The following THSD7A variants were observed in gnomAD, a reference collection of about 807,000 sequenced individuals.
The protein encoded by THSD7A is thrombospondin type-1 domain-containing protein 7A.
A neutral mutation model predicts 231.3 loss-of-function variants in THSD7A; 96 were observed. The ratio of observed to expected loss-of-function variants is 0.41; its 90% CI spans 0.35 to 0.49. THSD7A has a LOEUF of 0.49. Ranked by LOEUF, THSD7A falls within the 20% of genes least tolerant of loss-of-function variation. The pLI is 0.05. For synonymous variants in THSD7A, 940 were observed against 743.3 expected, an observed-to-expected ratio of 1.26 and a Z score of -4.30; for missense variants, 2,290 against 2,070.2, an observed-to-expected ratio of 1.11 and a Z score of -2.06.
chr7:11,621,270 C>A (rs983122569), intron 2 of THSD7A, among the ~76,000 whole-genome samples: 1 of 152,160 alleles, frequency 6.6e-6, no homozygotes, highest in Admixed American at 6.5e-5. Context: ...ATCCATTATA[C>A]GTTTCACTCA....
chr7:11,498,128 A>G (rs1228770220), intron 6 of THSD7A, among the ~76,000 whole-genome samples: 1 of 152,138 alleles, frequency 6.6e-6, no homozygotes, highest in Non-Finnish European at 1.5e-5. Context: ...ACTCCTGTAC[A>G]TACCCCTAGA....
At chr7:11,603,093 C>T (rs909220420) in intron 2 of THSD7A, among the ~76,000 whole-genome samples, 3 of 150,658 alleles carry the variant, frequency 2.0e-5, no homozygotes, top group African/African-American at 7.3e-5. Flanking sequence ...AACAGGCAAC[C>T]TACAAAATGG....
chr7:11,771,163 A>T (rs533642645), intron 1 of THSD7A, among the ~76,000 whole-genome samples: 50 of 151,258 alleles, frequency 3.3e-4, no homozygotes, highest in Admixed American at 5.3e-4. Flanking sequence ...GATTTATAAT[A>T]AAGAATCCCA....
intron 4 of THSD7A, among the ~76,000 whole-genome samples, chr7:11,580,657 T>C (rs986754949): frequency 6.6e-6 from 1 of 152,136 alleles, no homozygotes; most frequent in African/African-American, 2.4e-5. Flanking sequence ...CTGCATGTTC[T>C]TACTTATAGG....
chr7:11,799,168 G>T (rs139736712), intron 1 of THSD7A, among the ~76,000 whole-genome samples: 1 of 151,976 alleles, frequency 6.6e-6, no homozygotes, highest in Non-Finnish European at 1.5e-5. Flanking sequence ...TGATCCACCC[G>T]CCTTGGCCTC....
intron 4 of THSD7A, among the ~76,000 whole-genome samples, chr7:11,556,263 T>C (rs893017361): frequency 5.3e-5 from 8 of 151,334 alleles, no homozygotes; most frequent in Non-Finnish European, 1.2e-4. Context: ...ACATTACATA[T>C]ATATGTCATA....
intron 1 of THSD7A, among the ~76,000 whole-genome samples, chr7:11,746,227 C>A (rs1010909283): frequency 1.1e-4 from 16 of 151,776 alleles, no homozygotes; most frequent in African/African-American, 3.9e-4. Context: ...AGAAAAGTTG[C>A]CAAGATTGTA....
intron 1 of THSD7A, among the ~76,000 whole-genome samples, chr7:11,762,486 G>T (rs7802535): frequency 0.033 from 5,007 of 152,194 alleles, 299 homozygotes; most frequent in African/African-American, 0.11. Flanking sequence ...GCTGATTAGT[G>T]ATATGGAGCA....
intron 1 of THSD7A, among the ~76,000 whole-genome samples, chr7:11,759,519 C>T (rs1782788636): frequency 6.6e-6 from 1 of 151,714 alleles, no homozygotes; most frequent in African/African-American, 2.4e-5. Flanking sequence ...GTGTTCTGTG[C>T]AGAGAATATA....
chr7:11,672,016 A>G (rs969385653), intron 1 of THSD7A, among the ~76,000 whole-genome samples: 14 of 152,182 alleles, frequency 9.2e-5, no homozygotes, highest in African/African-American at 2.9e-4. Context: ...AACTATTATG[A>G]GAATGGCATT....
Position 11,533,683 on chromosome 7 carries a change from T to C in THSD7A, c.1822+7736A>G, listed in dbSNP as rs193069807. 5.8e-4 allele frequency among the ~76,000 whole-genome samples: 88 copies of C among 151,900 alleles called. 1 individual carries two copies. The East Asian group carries it at 0.014, about 24-fold the overall frequency. On this transcript the variant is annotated intron_variant, in intron 6 of 27. Coordinates refer to ENST00000423059, the MANE Select transcript of THSD7A (RefSeq NM_015204.3). ...CAAGTTCTCACTCATAAGTGGGAGG[T>C]GAACAATGAGAACACAGGGACATAG...
chr7:11,412,904 G>T, intron 17 of THSD7A, 104 bp from the exon 18 acceptor site: 1 of 1,311,146 alleles, frequency 7.6e-7, no homozygotes, highest in Non-Finnish European at 1.0e-6. Flanking sequence ...TGGGCCACTG[G>T]CTAACTCAGA....
intron 4 of THSD7A, among the ~76,000 whole-genome samples, chr7:11,550,386 T>C (rs1789577131): frequency 6.6e-6 from 1 of 150,832 alleles, no homozygotes; most frequent in African/African-American, 2.5e-5. Context: ...AGTGACATGG[T>C]TTTTTTCTGT....
chr7:11,668,749 G>A (rs570572225), intron 1 of THSD7A, among the ~76,000 whole-genome samples: 2 of 152,276 alleles, frequency 1.3e-5, no homozygotes, highest in South Asian at 2.1e-4. Context: ...AACGGCGGGA[G>A]CACAGAATAA....
At chr7:11,385,941 T>C (rs892187173) in intron 23 of THSD7A, among the ~76,000 whole-genome samples, 1 of 152,024 alleles carries the variant, frequency 6.6e-6, no homozygotes, top group Non-Finnish European at 1.5e-5. Context: ...GTTGTTCAAC[T>C]CCCACTTATG....
chr7:11,496,798 A>G (rs1354668640), intron 6 of THSD7A, among the ~76,000 whole-genome samples: 1 of 152,236 alleles, frequency 6.6e-6, no homozygotes, highest in African/African-American at 2.4e-5. Context: ...TGTTCTTGAA[A>G]CAAAATAAAC....
chr7:11,546,419 C>T (rs1219256687), intron 4 of THSD7A, among the ~76,000 whole-genome samples: 3 of 152,144 alleles, frequency 2.0e-5, no homozygotes, highest in Non-Finnish European at 4.4e-5. Context: ...GAGAACAAAG[C>T]CATAGGCCTG....
At position 11,831,538 on chromosome 7, in the gene THSD7A, A is replaced by G. The variant is rs920482330; in HGVS notation, c.190+219T>C. On this transcript the variant is annotated intron_variant, in intron 1 of 27. Coordinates refer to ENST00000423059, the MANE Select transcript of THSD7A (RefSeq NM_015204.3). The surrounding 1 kb of genome is among the most constrained non-coding windows in gnomAD (Gnocchi z 5.0). ...CCCTCATTACAGAGCTGCGAGAGAA[A>G]TATTCCAGCTACTCACTGTTGCCTC... Among the ~76,000 whole-genome samples the G allele has an allele frequency of 1.3e-5, 2 of 152,172 alleles. No individual in the cohort carries two copies. The highest frequency in any genetic ancestry group is 2.9e-5 in the Non-Finnish European group (2 of 68,030).
At chr7:11,598,129 A>G (rs921889356) in intron 2 of THSD7A, among the ~76,000 whole-genome samples, 2 of 152,208 alleles carry the variant, frequency 1.3e-5, no homozygotes, top group Admixed American at 6.5e-5. Flanking sequence ...CTAGTGGTGC[A>G]CTTTGCATGG....
Sources: allele counts gnomAD v4.1 joint callset (sites outside exome capture counted in the v4.1 genomes callset), GRCh38; gene constraint gnomAD v4.1.1; non-coding constraint Gnocchi (gnomAD v3.1); transcripts MANE v1.5; gene names NCBI Gene and HGNC (gene_info 2026-07-23, HGNC 2026-07-21).